The following NSD2 variants were observed in gnomAD, a reference collection of about 807,000 sequenced individuals.
NSD2 encodes the protein histone-lysine N-methyltransferase NSD2.
In NSD2, 12 loss-of-function variants were observed where a neutral mutation model predicts 139.0. The observed-to-expected ratio is 0.09, with a 90% confidence interval of 0.06 to 0.14. NSD2 has a LOEUF of 0.14. Ranked by LOEUF, NSD2 falls within the 10% of genes least tolerant of loss-of-function variation. NSD2 has a pLI of 1.00. For synonymous variants in NSD2, 669 were observed against 648.7 expected, an observed-to-expected ratio of 1.03 and a Z score of -0.48; for missense variants, 1,155 against 1,745.0, an observed-to-expected ratio of 0.66 and a Z score of 6.02.
intron 18 of NSD2, among the ~76,000 whole-genome samples, chr4:1,964,876 C>G (rs1233634046): frequency 6.6e-6 from 1 of 152,056 alleles, no homozygotes; most frequent in African/African-American, 2.4e-5. Flanking sequence ...CAAAAAAGAT[C>G]TGGAAAGACC....
intron 8 of NSD2, 117 bp from the exon 9 acceptor site, chr4:1,939,537 C>A: frequency 9.3e-7 from 1 of 1,073,702 alleles, no homozygotes; most frequent in East Asian, 2.6e-5. Context: ...GCCAGAAGGA[C>A]AAAGGAATTC....
rs1726832646 is a variant in NSD2, at chr4:1,974,326, T to A, written c.3373-537T>A. Among the ~76,000 whole-genome samples the A allele has an allele frequency of 6.6e-6, 1 of 152,034 alleles. No individual in the cohort carries two copies. The highest frequency in any genetic ancestry group is 2.1e-4 in the South Asian group (1 of 4,822). On this transcript the variant is annotated intron_variant, in intron 18 of 21. Transcript: ENST00000508803. The surrounding 1 kb of genome is among the most constrained non-coding windows in gnomAD (Gnocchi z 4.0). ...CCCGGGTTCAAGTGATTCTCCTGCC[T>A]CAGCCTCCCGAGTAGCTGAGATTAC...
At position 1,976,353 on chromosome 4, in the gene NSD2, CTCTTA is replaced by C; in HGVS notation, c.3622-121_3622-117del. On this transcript the variant is annotated intron_variant, in intron 20 of 21. Coordinates refer to ENST00000508803, the MANE Select transcript of NSD2 (RefSeq NM_001042424.3). The surrounding 1 kb of genome is among the most constrained non-coding windows in gnomAD (Gnocchi z 5.3). Reference sequence around the variant, plus strand: ...ACGAGGAGGACACTCCTCTCCTCTCCTCTTAGTGTTGGGCACCTGCAGAGATCTCT... The same window carrying C: ...ACGAGGAGGACACTCCTCTCCTCTCCGTGTTGGGCACCTGCAGAGATCTCT... 9.4e-7 allele frequency: 1 copy of C among 1,067,064 alleles called. No individual in the cohort carries two copies. Among genetic ancestry groups the C allele is most frequent in the Non-Finnish European group, 1.4e-6 (1 of 727,924 alleles). 66.1% of individuals were successfully genotyped at this position (1,067,064 alleles called of 1,614,324 possible).
intron 6 of NSD2, among the ~76,000 whole-genome samples, chr4:1,933,145 T>G (rs1721874101): frequency 6.6e-6 from 1 of 152,238 alleles, no homozygotes. Flanking sequence ...AGGCTGGAAC[T>G]GCAGCTGGTG....
Position 1,901,138 on chromosome 4 carries a change from G to C in NSD2, c.484G>C (p.Glu162Gln), listed in dbSNP as rs758697327. ...SQSEENGQKP[E>Q]NKARRNRKRS... ...GTCAGAAGAAAATGGACAAAAACCA[G>C]AAAACAAGGCGAGAAGGAACAGGAA... Residue 162 changes from glutamate to glutamine, a missense_variant, in exon 2 of 22, where the codon GAA (glutamate) becomes CAA (glutamine). By Grantham distance (29) the Glu-to-Gln change is conservative. This residue lies in a region of NSD2 where 246 missense variants were observed against 262.8 expected (regional missense o/e 0.94). Transcript: ENST00000508803. 5 of 1,614,088 alleles carry C rather than the reference G, an allele frequency of 3.1e-6. 1 individual carries two copies. The highest frequency in any genetic ancestry group is 4.5e-5 in the East Asian group (2 of 44,906).
At position 1,980,964 on chromosome 4, in the gene NSD2, C is replaced by A. The variant is rs556447618; in HGVS notation, c.*2055C>A. The A allele has an allele frequency of 4.3e-6, 1 of 233,236 alleles. No individual in the cohort carries two copies. Among genetic ancestry groups the A allele is most frequent in the South Asian group, 1.8e-4 (1 of 5,532 alleles). The allele number at this position is 233,236 out of a possible 1,614,324, so 14.4% of individuals were successfully genotyped here. On this transcript the variant is annotated 3_prime_UTR_variant, in exon 22 of 22. Coordinates refer to ENST00000508803, the MANE Select transcript of NSD2 (RefSeq NM_001042424.3). ...CCCACACACACCTTAGAGTCGAAGG[C>A]CCCAGGGCCCCGCTGTCACTTGCCC...
At chr4:1,930,266 G>A (rs369989628) in intron 5 of NSD2, among the ~76,000 whole-genome samples, 5 of 152,344 alleles carry the variant, frequency 3.3e-5, no homozygotes, top group South Asian at 2.1e-4. Context: ...CAGGGGCAGC[G>A]TTCCTGTGGC....
chr4:1,907,277 C>A (rs1019137042), intron 3 of NSD2, among the ~76,000 whole-genome samples: 4 of 152,126 alleles, frequency 2.6e-5, no homozygotes, highest in African/African-American at 9.7e-5. Context: ...TTTATTGTTT[C>A]AACTCCCATT....
intron 18 of NSD2, among the ~76,000 whole-genome samples, chr4:1,967,045 AAAGAG>A (rs1725960489): frequency 1.3e-5 from 2 of 152,220 alleles, no homozygotes; most frequent in South Asian, 4.1e-4. Context: ...ACTAGGAAAA[AAAGAG>A]AAAAGACTCA....
chr4:1,938,593 TG>T, intron 8 of NSD2, 61 bp downstream of exon 8: 2 of 515,350 alleles, frequency 3.9e-6, no homozygotes, highest in East Asian at 4.4e-5. Flanking sequence ...GCTGGGTGGG[TG>T]GGCTGAGAGT....
intron 6 of NSD2, among the ~76,000 whole-genome samples, chr4:1,934,242 T>G (rs1722033109): frequency 6.6e-6 from 1 of 151,432 alleles, no homozygotes; most frequent in Non-Finnish European, 1.5e-5. Flanking sequence ...TGTGCCACCA[T>G]GCCTGGCTAA....
At chr4:1,947,448 C>T (rs1382733309) in intron 9 of NSD2, 1 of 1,059,098 alleles carries the variant, frequency 9.4e-7, no homozygotes, top group African/African-American at 1.6e-5. Context: ...CTCAGAGACT[C>T]ACCCCCAGCC....
chr4:1,887,575 A>C (rs1715211388), intron 1 of NSD2: 7 of 152,486 alleles, frequency 4.6e-5, no homozygotes, highest in Admixed American at 4.6e-4. Flanking sequence ...TCCTGGGCTC[A>C]AGCAGTCCTC....
intron 15 of NSD2, among the ~76,000 whole-genome samples, chr4:1,957,029 T>C (rs1315617135): frequency 3.9e-5 from 6 of 152,284 alleles, no homozygotes; most frequent in Non-Finnish European, 5.9e-5. Flanking sequence ...GGTGGACTTA[T>C]GTGTTTGCTG....
intron 5 of NSD2, among the ~76,000 whole-genome samples, chr4:1,923,810 G>A (rs917722381): frequency 3.9e-5 from 6 of 152,210 alleles, no homozygotes; most frequent in African/African-American, 1.2e-4. Flanking sequence ...TGTTCCTACA[G>A]TGTAACTACA....
At position 1,979,026 on chromosome 4, in the gene NSD2, C is replaced by T. The variant is rs1478956136; in HGVS notation, c.*117C>T. On this transcript the variant is annotated 3_prime_UTR_variant, in exon 22 of 22. Transcript: ENST00000508803. ...CCAGCTCGAGCCGCCAGGACACAGA[C>T]GTACAGGCCTCCTCGGGAGGGAGCG... 1.8e-5 allele frequency: 23 copies of T among 1,313,704 alleles called. No homozygotes were observed. Among genetic ancestry groups the T allele is most frequent in the Admixed American group, 1.5e-4 (5 of 33,148 alleles). The allele number at this position is 1,313,704 out of a possible 1,614,324, so 81.4% of individuals were successfully genotyped here.
In NSD2 at chr4:1,975,345, C is replaced by T. The variant is rs758809828; in HGVS notation, c.3566C>T (p.Thr1189Met). ...CTCGATTGTCTGGGCAATGAAAAAA[C>T]GGTCTGCCGGTGTGGAGCCTCCAAT... ...YNLDCLGNEK[T>M]VCRCGASNCS... Residue 1189 changes from threonine (T) to methionine (M), a missense_variant, in exon 20 of 22, where the codon ACG (threonine) becomes ATG (methionine). Physicochemically the swap from Thr to Met is moderately conservative, Grantham distance 81. Around this residue, in one of 8 missense-constraint regions of NSD2, gnomAD observed 139 missense variants for 485.8 expected, o/e 0.29. Transcript: ENST00000508803. The T allele has an allele frequency of 2.7e-5, 43 of 1,614,074 alleles. No homozygotes were observed. The highest frequency in any genetic ancestry group is 6.7e-5 in the Admixed American group (4 of 60,000).
chr4:1,918,161 G>T lies in NSD2; in HGVS notation c.948G>T (p.Gly316=), dbSNP rs2108804048. The change falls in exon 5 of 22, where the codon GGG becomes GGT. Residue 316 remains glycine, a synonymous_variant. Transcript: ENST00000508803. ...CCCAGCTATTGAAACCAATTTCAGG[G>T]AAATTGAGGGCCCAGTGGGAAATGG... ...EKIKLLKPIS[G]KLRAQWEMGI... is the part of the protein sequence containing the mutation. The T allele has an allele frequency of 2.5e-6, 4 of 1,610,698 alleles. No individual in the cohort carries two copies. The East Asian group carries it at 8.9e-5, about 36-fold the overall frequency.
chr4:1,978,993 C>T lies in NSD2; in HGVS notation c.*84C>T, dbSNP rs1007806274. 19 of 1,423,160 alleles carry T rather than the reference C, an allele frequency of 1.3e-5. No individual in the cohort carries two copies. Among genetic ancestry groups the T allele is most frequent in the South Asian group, 3.1e-5 (2 of 63,510 alleles). 88.2% of individuals were successfully genotyped at this position (1,423,160 alleles called of 1,614,324 possible). A position where few individuals can be genotyped will look rare whatever the true frequency, so the allele number is the denominator to read the frequency against. ...GGGAGAGGGCGAGCATGAACTGGCC[C>T]GGAGGACCCAGCTCGAGCCGCCAGG... is the stretch of plus-strand genomic sequence containing the variant. On this transcript the variant is annotated 3_prime_UTR_variant, in exon 22 of 22. Coordinates refer to ENST00000508803, the MANE Select transcript of NSD2 (RefSeq NM_001042424.3).
Sources: gnomAD v4.1 joint callset for allele counts (sites outside exome capture counted in the v4.1 genomes callset) on GRCh38, gnomAD v4.1.1 for gene constraint, gnomAD v4.1.1 regional missense constraint, Gnocchi (gnomAD v3.1) non-coding constraint, MANE v1.5 for transcripts, NCBI Gene and HGNC (gene_info 2026-07-23, HGNC 2026-07-21) for gene names.